AIG1: variants seen among roughly 807,000 people sequenced by gnomAD.
AIG1 encodes androgen induced 1, also known as androgen-induced gene 1 protein.
In AIG1, 23 loss-of-function variants were observed where a neutral mutation model predicts 31.4. That is an observed-to-expected ratio of 0.73 (90% CI 0.53 to 1.04). AIG1 has a LOEUF of 1.04. Ranked by LOEUF, AIG1 falls within the 50% of genes least tolerant of loss-of-function variation. AIG1 has a pLI of 0.00. For missense variants in AIG1, 274 were observed against 295.0 expected, an observed-to-expected ratio of 0.93 and a Z score of 0.52; for synonymous variants, 100 against 110.5, an observed-to-expected ratio of 0.90 and a Z score of 0.60.
intron 3 of AIG1, among the ~76,000 whole-genome samples, chr6:143,272,077 GTATAT>G (rs1202840311): frequency 6.6e-6 from 1 of 151,950 alleles, no homozygotes; most frequent in African/African-American, 2.4e-5. Context: ...GCATTATGTG[GTATAT>G]TACTACTCTA....
At chr6:143,060,827 G>A (rs1190736968), upstream of AIG1, 2 of 312,854 alleles carry the variant, frequency 6.4e-6, no homozygotes, top group African/African-American at 4.3e-5. Context: ...CCGCGCCCGC[G>A]CCCGCGCCCG....
chr6:143,072,060 A>G (rs983600293), intron 1 of AIG1, among the ~76,000 whole-genome samples: 2 of 151,926 alleles, frequency 1.3e-5, no homozygotes, highest in Non-Finnish European at 2.9e-5. Flanking sequence ...CGAAAGTGCT[A>G]GGATTACAGG....
intron 4 of AIG1, among the ~76,000 whole-genome samples, chr6:143,314,992 G>T (rs142889122): frequency 1.0e-3 from 157 of 152,126 alleles, no homozygotes; most frequent in Middle Eastern, 3.4e-3. Context: ...ACAACTGTTG[G>T]AGAATGATGT....
intron 2 of AIG1, among the ~76,000 whole-genome samples, chr6:143,156,773 G>A (rs1012550859): frequency 1.3e-5 from 2 of 152,210 alleles, no homozygotes; most frequent in Non-Finnish European, 2.9e-5. Context: ...TTTGAGCTGG[G>A]ATGACCCTTC....
At chr6:143,212,215 C>A (rs1220149138) in intron 3 of AIG1, among the ~76,000 whole-genome samples, 1 of 152,098 alleles carries the variant, frequency 6.6e-6, no homozygotes, top group East Asian at 1.9e-4. Flanking sequence ...TGCAACCCAC[C>A]AACAATTCAA....
chr6:143,192,872 G>A (rs1257187147), intron 3 of AIG1, among the ~76,000 whole-genome samples: 4 of 152,218 alleles, frequency 2.6e-5, no homozygotes, highest in African/African-American at 9.6e-5. Context: ...CACAGAGGGT[G>A]GATCTGGAGA....
intron 1 of AIG1, among the ~76,000 whole-genome samples, chr6:143,133,736 GT>G (rs1783479130): frequency 1.3e-5 from 2 of 152,068 alleles, no homozygotes; most frequent in Non-Finnish European, 2.9e-5. Context: ...ATATCATGGA[GT>G]TTTTAGGTGA....
intron 2 of AIG1, among the ~76,000 whole-genome samples, chr6:143,156,817 T>A (rs934915424): frequency 6.6e-6 from 1 of 152,230 alleles, no homozygotes; most frequent in Non-Finnish European, 1.5e-5. Flanking sequence ...GGTCTTTATA[T>A]CCTTGCGTTA....
intron 4 of AIG1, among the ~76,000 whole-genome samples, chr6:143,286,258 T>C (rs928643905): frequency 2.6e-5 from 4 of 152,118 alleles, no homozygotes; most frequent in South Asian, 4.1e-4. Flanking sequence ...AAATACCACA[T>C]AGTCCTCATT....
intron 3 of AIG1, among the ~76,000 whole-genome samples, chr6:143,283,033 C>G (rs996569867): frequency 1.3e-5 from 2 of 152,102 alleles, no homozygotes; most frequent in African/African-American, 4.8e-5. Context: ...TTCAGTTCTG[C>G]CATCTTTATA....
rs1425434330 is a variant in AIG1, at chr6:143,279,635, A to G, written c.400-4475A>G. Among the ~76,000 whole-genome samples, 3 of 152,152 alleles carry G rather than the reference A, an allele frequency of 2.0e-5. No individual in the cohort carries two copies. The highest frequency in any genetic ancestry group is 7.2e-5 in the African/African-American group (3 of 41,446). On this transcript the variant is annotated intron_variant, in intron 3 of 5. Coordinates refer to ENST00000357847, the MANE Select transcript of AIG1 (RefSeq NM_016108.4). This position sits in a 1 kb window ranked among gnomAD's most constrained non-coding sequence, Gnocchi z 5.4. ...TCTGCAAATAGACCTTTGTCACGGG[A>G]GGCTGGTCAGTTCACAGCCTCCATG...
chr6:143,274,495 A>G (rs989177379), intron 3 of AIG1, among the ~76,000 whole-genome samples: 1 of 152,200 alleles, frequency 6.6e-6, no homozygotes, highest in Non-Finnish European at 1.5e-5. Context: ...AATTATTTGC[A>G]TGTGTTGTGT....
At chr6:143,086,816 C>G (rs530946148) in intron 1 of AIG1, among the ~76,000 whole-genome samples, 2 of 152,260 alleles carry the variant, frequency 1.3e-5, no homozygotes, top group East Asian at 3.9e-4. Context: ...AGGTATAGGT[C>G]AGAAGGAAAG....
At position 143,276,603 on chromosome 6, in the gene AIG1, G is replaced by A. The variant is rs1186413245; in HGVS notation, c.400-7507G>A. On this transcript the variant is annotated intron_variant, in intron 3 of 5. Coordinates refer to ENST00000357847, the MANE Select transcript of AIG1 (RefSeq NM_016108.4). ...CACCAAACTAAAGCCAGCACTGGGC[G>A]CTGGGGAGAGGGAGACCCATGACAA... Among the ~76,000 whole-genome samples the A allele has an allele frequency of 5.3e-5, 8 of 152,096 alleles. No homozygotes were observed. The South Asian group carries it at 1.0e-3, about 20-fold the overall frequency.
At chr6:143,147,801 A>G (rs1784834002) in intron 2 of AIG1, among the ~76,000 whole-genome samples, 2 of 152,166 alleles carry the variant, frequency 1.3e-5, no homozygotes. Context: ...TTCTCACCGT[A>G]GCCCTTCCCA....
intron 4 of AIG1, among the ~76,000 whole-genome samples, chr6:143,319,858 A>G (rs544938088): frequency 6.6e-6 from 1 of 152,302 alleles, no homozygotes; most frequent in African/African-American, 2.4e-5. Context: ...AACAAAAGCA[A>G]TAATAGAGAA....
At chr6:143,129,165 C>T (rs984551827) in intron 1 of AIG1, among the ~76,000 whole-genome samples, 4 of 152,116 alleles carry the variant, frequency 2.6e-5, no homozygotes, top group Non-Finnish European at 4.4e-5. Flanking sequence ...GGGGCAGGCA[C>T]CTGTAGTCCC....
At position 143,326,962 on chromosome 6, in the gene AIG1, G is replaced by A. The variant is rs1036673021; in HGVS notation, c.516-6320G>A. ...ACTCTAGACTTTGTTGAAACTTTGG[G>A]TCTCTAACAAAAAATCAGTGGGAGG... is the stretch of plus-strand genomic sequence containing the variant. On this transcript the variant is annotated intron_variant, in intron 4 of 5. Transcript: ENST00000357847. The surrounding 1 kb of genome is among the most constrained non-coding windows in gnomAD (Gnocchi z 4.5). 3.3e-5 allele frequency among the ~76,000 whole-genome samples: 5 copies of A among 152,138 alleles called. No individual in the cohort carries two copies. The highest frequency in any genetic ancestry group is 2.1e-4 in the South Asian group (1 of 4,826).
chr6:143,153,025 C>T (rs1172348777), intron 2 of AIG1, among the ~76,000 whole-genome samples: 4 of 152,220 alleles, frequency 2.6e-5, no homozygotes, highest in South Asian at 2.1e-4. Context: ...CCTAAAGTCA[C>T]GGGATGACAC....
Sources: gnomAD v4.1 joint callset for allele counts (sites outside exome capture counted in the v4.1 genomes callset) on GRCh38, gnomAD v4.1.1 for gene constraint, Gnocchi (gnomAD v3.1) non-coding constraint, MANE v1.5 for transcripts, NCBI Gene and HGNC (gene_info 2026-07-23, HGNC 2026-07-21) for gene names.